Variants in F13A1 observed in about 807,000 individuals in gnomAD.
F13A1 encodes coagulation factor XIII A chain, also known as FSF, A subunit.
Under a neutral mutation model 80.1 loss-of-function variants are expected in F13A1, and 47 were observed. The ratio of observed to expected loss-of-function variants is 0.59; its 90% CI spans 0.46 to 0.75. The LOEUF (loss-of-function observed/expected upper bound fraction) is 0.75, where lower values mean the gene tolerates loss of function less well. Among genes scored for constraint, F13A1 ranks in the 30% least tolerant of loss-of-function variants. F13A1 has a pLI of 0.00. For synonymous variants in F13A1, 349 were observed against 344.9 expected (o/e 1.01, Z -0.13); for missense variants, 817 against 930.4 (o/e 0.88, Z 1.59).
chr6:6,314,914 T>C (rs2113201395), intron 2 of F13A1, among the ~76,000 whole-genome samples: 1 of 152,344 alleles, frequency 6.6e-6, no homozygotes, highest in South Asian at 2.1e-4. Context: ...AGGTTTACTC[T>C]GCACAAAGAG....
Position 6,145,708 on chromosome 6 carries a change from G to T in F13A1, c.2110C>A (p.Arg704=). ...EVCRPWVSGH[R]KLIASMSSDS... ...CTGCTCATGCTGGCTATCAGCTTCC[G>T]ATGCCCAGAGACCCAGGGCCGGCAC... The change falls in exon 15 of 15, where the codon CGG becomes AGG. Residue 704 remains arginine (R), a synonymous_variant. Coordinates refer to ENST00000264870, the MANE Select transcript of F13A1 (RefSeq NM_000129.4). 6.2e-7 allele frequency: 1 copy of T among 1,614,104 alleles called. No homozygotes were observed. Among genetic ancestry groups the T allele is most frequent in the Non-Finnish European group, 8.5e-7 (1 of 1,180,026 alleles).
chr6:6,226,535 G>A (rs1757278121), intron 6 of F13A1, among the ~76,000 whole-genome samples: 1 of 152,152 alleles, frequency 6.6e-6, no homozygotes, highest in African/African-American at 2.4e-5. Context: ...GAGCTTTTAT[G>A]TGTTTGCTGC....
At chr6:6,193,753 A>C (rs1181582754) in intron 10 of F13A1, among the ~76,000 whole-genome samples, 4 of 152,212 alleles carry the variant, frequency 2.6e-5, no homozygotes, top group Non-Finnish European at 5.9e-5. Flanking sequence ...GCAGCAATAA[A>C]GTGTAATAAA....
chr6:6,198,997 A>G (rs1033264715), intron 8 of F13A1, among the ~76,000 whole-genome samples: 2 of 152,226 alleles, frequency 1.3e-5, no homozygotes, highest in African/African-American at 4.8e-5. Context: ...TGAAATAGCC[A>G]TCATGGTTTG....
At chr6:6,211,022 C>T (rs535941758) in intron 8 of F13A1, among the ~76,000 whole-genome samples, 84 of 152,340 alleles carry the variant, frequency 5.5e-4, no homozygotes, top group South Asian at 4.1e-4. Flanking sequence ...TGAGCCACCA[C>T]GCCCAGTCAA....
chr6:6,294,169 GA>G (rs1353141127), intron 3 of F13A1, among the ~76,000 whole-genome samples: 1 of 152,116 alleles, frequency 6.6e-6, no homozygotes, highest in African/African-American at 2.4e-5. Context: ...TGATTGGATG[GA>G]AGGATACAAA....
intron 13 of F13A1, among the ~76,000 whole-genome samples, chr6:6,158,572 G>T (rs943286271): frequency 2.6e-5 from 4 of 152,158 alleles, no homozygotes; most frequent in African/African-American, 9.7e-5. Context: ...GAGAGGTGAA[G>T]AAGCCCACCT....
intron 8 of F13A1, among the ~76,000 whole-genome samples, chr6:6,220,148 C>T (rs911273479): frequency 1.8e-4 from 27 of 152,108 alleles, no homozygotes; most frequent in Non-Finnish European, 2.9e-4. Context: ...GTCTCAGCCC[C>T]GCAGTCAGTC....
chr6:6,281,274 T>C (rs537926848), intron 3 of F13A1, among the ~76,000 whole-genome samples: 2 of 152,296 alleles, frequency 1.3e-5, no homozygotes, highest in African/African-American at 2.4e-5. Context: ...TTGCATAAAA[T>C]TGGGAGAGGG....
chr6:6,248,253 T>A, intron 6 of F13A1, 59 bp downstream of exon 6: 1 of 1,344,934 alleles, frequency 7.4e-7, no homozygotes, highest in Non-Finnish European at 1.1e-6. Context: ...TGAACTGGCA[T>A]ATATACTGAG....
rs933442009 is a variant in F13A1 at position 6,217,543 on chromosome 6, G to T, written c.1112+4490C>A. Among the ~76,000 whole-genome samples, 28 of 111,002 alleles carry T rather than the reference G, an allele frequency of 2.5e-4. 1 individual carries two copies. The highest frequency in any genetic ancestry group is 8.9e-4 in the African/African-American group (26 of 29,182). The allele number at this position is 111,002 out of a possible 152,430, so 72.8% of individuals were successfully genotyped here. Reference sequence around the variant, plus strand: ...CGGCCTGTTGTGGGGTGGGGGGAGGGGGGAGGGATAGCACTGGGAGATATA... The same window carrying T: ...CGGCCTGTTGTGGGGTGGGGGGAGGTGGGAGGGATAGCACTGGGAGATATA... On this transcript the variant is annotated intron_variant, in intron 8 of 14. Coordinates refer to ENST00000264870, the MANE Select transcript of F13A1 (RefSeq NM_000129.4).
chr6:6,316,059 GTGC>G lies in F13A1; in HGVS notation c.130+2473_130+2475del, dbSNP rs998568127. Among the ~76,000 whole-genome samples, 58 of 107,834 alleles carry G rather than the reference GTGC, an allele frequency of 5.4e-4. 1 individual carries two copies. Among genetic ancestry groups the G allele is most frequent in the African/African-American group, 1.9e-3 (53 of 27,328 alleles). 70.7% of individuals were successfully genotyped at this position (107,834 alleles called of 152,430 possible). On this transcript the variant is annotated intron_variant, in intron 2 of 14. Coordinates refer to ENST00000264870, the MANE Select transcript of F13A1 (RefSeq NM_000129.4). ...AGACCTCCTTGTTCAGATGGTTTGT[GTGC>G]TGCTATGTGTGTGTGCATATATATA...
At chr6:6,151,275 TA>T (rs5874018) in intron 14 of F13A1, among the ~76,000 whole-genome samples, 1 of 151,100 alleles carries the variant, frequency 6.6e-6, no homozygotes, top group Non-Finnish European at 1.5e-5. Context: ...TAGGCTCAAC[TA>T]AAAAAAAACC....
chr6:6,196,195 G>A (rs1029910919), intron 9 of F13A1, among the ~76,000 whole-genome samples: 1 of 152,216 alleles, frequency 6.6e-6, no homozygotes, highest in African/African-American at 2.4e-5. Flanking sequence ...TTGTTCAGGT[G>A]GTATCTGAAA....
At chr6:6,273,644 T>C (rs1228877077) in intron 3 of F13A1, among the ~76,000 whole-genome samples, 1 of 152,222 alleles carries the variant, frequency 6.6e-6, no homozygotes, top group Non-Finnish European at 1.5e-5. Context: ...TCCATTTGAT[T>C]CATTTGTTTT....
rs759294043 is a variant in F13A1, at chr6:6,222,147, G to A, written c.998C>T (p.Ala333Val). The A allele has an allele frequency of 7.0e-5, 113 of 1,613,894 alleles. 2 individuals are homozygous for A. In the South Asian group the frequency reaches 1.2e-3, roughly 17 times the overall value. ...NTFLRCLGIPARIVTNYFSAH... is the reference protein window; with the variant it reads ...NTFLRCLGIPVRIVTNYFSAH... ...AGAGAAATAATTGGTAACAATTCTT[G>A]CTGGTATTCCAAGGCATCGTAAAAC... The change falls in exon 8 of 15, where the codon GCA becomes GTA. Residue 333 changes from alanine to valine, a missense_variant. Coordinates refer to ENST00000264870, the MANE Select transcript of F13A1 (RefSeq NM_000129.4).
intron 6 of F13A1, among the ~76,000 whole-genome samples, chr6:6,227,595 T>C (rs1757294805): frequency 6.6e-6 from 1 of 152,204 alleles, no homozygotes; most frequent in Non-Finnish European, 1.5e-5. Context: ...GGCTATGATG[T>C]GGTTTGGTCT....
chr6:6,314,496 T>A, intron 2 of F13A1, among the ~76,000 whole-genome samples: 1 of 152,278 alleles, frequency 6.6e-6, no homozygotes, highest in East Asian at 1.9e-4. Flanking sequence ...CACTTTTCCA[T>A]GCGCTTGCCT....
At chr6:6,260,555 A>C (rs1757764764) in intron 4 of F13A1, among the ~76,000 whole-genome samples, 1 of 152,212 alleles carries the variant, frequency 6.6e-6, no homozygotes, top group African/African-American at 2.4e-5. Context: ...ATAAAACTGC[A>C]GGGGACTGCT....
Sources: allele counts gnomAD v4.1 joint callset (sites outside exome capture counted in the v4.1 genomes callset), GRCh38; gene constraint gnomAD v4.1.1; transcripts MANE v1.5; gene names NCBI Gene and HGNC (gene_info 2026-07-23, HGNC 2026-07-21).